Variants in DMD observed in about 807,000 individuals in gnomAD.
DMD encodes the protein mutant dystrophin.
Under a neutral mutation model 330.1 loss-of-function variants are expected in DMD, and 63 were observed. The ratio of observed to expected loss-of-function variants is 0.19; its 90% CI spans 0.16 to 0.24. The LOEUF (loss-of-function observed/expected upper bound fraction) is 0.24. Ranked by LOEUF, DMD falls within the 10% of genes least tolerant of loss-of-function variation. The probability of loss-of-function intolerance (pLI) is 1.00; values close to 1 mark genes in which losing one functional copy is unlikely to be tolerated. For synonymous variants in DMD, 1,223 were observed against 959.8 expected, an observed-to-expected ratio of 1.27 and a Z score of -5.07; for missense variants, 3,344 against 2,684.1, an observed-to-expected ratio of 1.25 and a Z score of -5.43.
chrX:31,881,953 G>T (rs1197719835), intron 47 of DMD, among the ~76,000 whole-genome samples: 1 of 112,330 alleles, frequency 8.9e-6, no homozygotes, highest in Non-Finnish European at 1.9e-5. Context: ...CTGAGACAGT[G>T]AAGAAAATGT....
chrX:32,886,822 T>C (rs975909633), intron 2 of DMD, among the ~76,000 whole-genome samples: 9 of 112,366 alleles, frequency 8.0e-5, no homozygotes, highest in African/African-American at 2.6e-4. Context: ...GTGGTCATTA[T>C]GTGAACATTT....
intron 47 of DMD, among the ~76,000 whole-genome samples, chrX:31,883,445 T>C (rs763652298): frequency 9.0e-6 from 1 of 111,373 alleles, no homozygotes; most frequent in South Asian, 3.7e-4. Flanking sequence ...TCTATTCTTA[T>C]GATTTGTGTA....
intron 7 of DMD, among the ~76,000 whole-genome samples, chrX:32,802,991 T>C (rs1020974955): frequency 8.9e-6 from 1 of 111,839 alleles, no homozygotes; most frequent in African/African-American, 3.3e-5. Flanking sequence ...TAAAATGAGT[T>C]AGGGAGGAGT....
Position 31,588,872 on chromosome X carries a change from GTTT to G in DMD, c.8217+38798_8217+38800del, listed in dbSNP as rs58845554. Among the ~76,000 whole-genome samples, 361 of 77,531 alleles carry G rather than the reference GTTT, an allele frequency of 4.7e-3. 5 individuals carry two copies. Among genetic ancestry groups the G allele is most frequent in the African/African-American group, 0.016 (331 of 21,199 alleles). 67.3% of individuals were successfully genotyped at this position (77,531 alleles called of 115,157 possible). The stretch of plus-strand genomic sequence containing the variant: ...TCCATTACTAGATAGCAAAGTCTAT[GTTT>G]TTTTTTTTTTTTTTCAACTTGGAAT... On this transcript the variant is annotated intron_variant, in intron 55 of 78. Transcript: ENST00000357033.
chrX:32,030,209 G>A (rs1433173762), intron 44 of DMD, among the ~76,000 whole-genome samples: 1 of 112,054 alleles, frequency 8.9e-6, no homozygotes, highest in African/African-American at 3.2e-5. Flanking sequence ...ACTGATCCTC[G>A]CTTTCTCCCA....
At chrX:32,857,856 C>A (rs773329283) in intron 2 of DMD, among the ~76,000 whole-genome samples, 1 of 111,205 alleles carries the variant, frequency 9.0e-6, no homozygotes, top group African/African-American at 3.3e-5. Flanking sequence ...CAGAATCTTG[C>A]TTTGTGGGCC....
At chrX:32,361,906 A>G (rs997394667) in intron 37 of DMD, among the ~76,000 whole-genome samples, 1 of 111,378 alleles carries the variant, frequency 9.0e-6, no homozygotes, top group Non-Finnish European at 1.9e-5. Context: ...TATGTTTGAA[A>G]GCATATCATA....
At chrX:32,206,935 G>T (rs1250916996) in intron 44 of DMD, among the ~76,000 whole-genome samples, 5 of 111,619 alleles carry the variant, frequency 4.5e-5, no homozygotes, top group Non-Finnish European at 9.4e-5. Context: ...TCCACCCTTT[G>T]CTTGGTTTTA....
At chrX:32,835,655 G>C (rs1012346471) in intron 4 of DMD, among the ~76,000 whole-genome samples, 1 of 111,766 alleles carries the variant, frequency 8.9e-6, no homozygotes, top group Non-Finnish European at 1.9e-5. Flanking sequence ...TTCAAGTGAG[G>C]ATAACAGGTT....
intron 1 of DMD, among the ~76,000 whole-genome samples, chrX:33,023,677 T>C (rs915744172): frequency 1.8e-5 from 2 of 112,136 alleles, no homozygotes; most frequent in Non-Finnish European, 3.8e-5. Flanking sequence ...CTATTGAGCA[T>C]TTAATATTTT....
chrX:32,335,326 G>C (rs2097700194), intron 41 of DMD, among the ~76,000 whole-genome samples: 1 of 107,169 alleles, frequency 9.3e-6, no homozygotes, highest in Admixed American at 1.0e-4. Context: ...CTCAGCCTCT[G>C]AGAAGCTTGG....
Position 31,845,953 on chromosome X carries a change from T to C in DMD, c.7099-9134A>G, listed in dbSNP as rs758936128. ...GGAGGTAAAAATAGTAGTTGGACAA[T>C]ATTGTCCCAGTGATACTTGTAGAGT... On this transcript the variant is annotated intron_variant, in intron 48 of 78. Coordinates refer to ENST00000357033, the MANE Select transcript of DMD (RefSeq NM_004006.3). Among the ~76,000 whole-genome samples the C allele has an allele frequency of 2.7e-5, 3 of 111,016 alleles. No individual in the cohort carries two copies. The South Asian group carries it at 1.1e-3, about 42-fold the overall frequency.
At chrX:32,686,106 T>C (rs1280971814) in intron 9 of DMD, among the ~76,000 whole-genome samples, 1 of 111,996 alleles carries the variant, frequency 8.9e-6, no homozygotes, top group East Asian at 2.8e-4. Flanking sequence ...TCTACAAGTT[T>C]GGTAACAAGT....
chrX:31,365,254 C>T (rs976613001), intron 60 of DMD, among the ~76,000 whole-genome samples: 5 of 110,889 alleles, frequency 4.5e-5, no homozygotes, highest in South Asian at 3.9e-4. Context: ...GAAAAGAGAA[C>T]GTTTACGTGA....
At chrX:33,251,666 T>C (rs2052773751) in intron 1 of DMD, among the ~76,000 whole-genome samples, 1 of 112,216 alleles carries the variant, frequency 8.9e-6, no homozygotes, top group Admixed American at 9.5e-5. Flanking sequence ...AGTAGATATA[T>C]GACCAATCTA....
At chrX:32,196,098 G>A (rs981302921) in intron 44 of DMD, among the ~76,000 whole-genome samples, 1 of 111,847 alleles carries the variant, frequency 8.9e-6, no homozygotes, top group Non-Finnish European at 1.9e-5. Flanking sequence ...CAGGTTACTT[G>A]TCAGGTTTCA....
intron 60 of DMD, among the ~76,000 whole-genome samples, chrX:31,421,774 C>A (rs936808126): frequency 1.2e-4 from 13 of 106,752 alleles, no homozygotes; most frequent in Non-Finnish European, 1.9e-4. Flanking sequence ...GCTAAGTCAA[C>A]CAGAAACTAT....
chrX:32,375,094 A>G (rs1223711312), intron 34 of DMD, among the ~76,000 whole-genome samples: 2 of 110,790 alleles, frequency 1.8e-5, no homozygotes, highest in African/African-American at 6.6e-5. Context: ...CAAACTGACC[A>G]TACACAGGCT....
At chrX:31,856,156 C>T (rs970856361) in intron 48 of DMD, among the ~76,000 whole-genome samples, 6 of 111,964 alleles carry the variant, frequency 5.4e-5, no homozygotes, top group African/African-American at 1.9e-4. Context: ...AGTCAACTCA[C>T]AGAAGGAAAA....
Sources: allele counts gnomAD v4.1 joint callset (sites outside exome capture counted in the v4.1 genomes callset), GRCh38; gene constraint gnomAD v4.1.1; transcripts MANE v1.5; gene names NCBI Gene and HGNC (gene_info 2026-07-23, HGNC 2026-07-21).